The following NEGR1 variants were observed in gnomAD, a reference collection of about 807,000 sequenced individuals.
NEGR1 encodes the protein neuronal growth regulator 1, also known as IgLON family member 4.
A neutral mutation model predicts 40.9 loss-of-function variants in NEGR1; 10 were observed. That is an observed-to-expected ratio of 0.24 (90% CI 0.15 to 0.42). The LOEUF (loss-of-function observed/expected upper bound fraction) is 0.42. Among genes scored for constraint, NEGR1 ranks in the 10% least tolerant of loss-of-function variants. The pLI, the probability that NEGR1 is intolerant of heterozygous loss-of-function variation, is 1.00. For missense variants in NEGR1, 352 were observed against 438.9 expected (o/e 0.80, Z 1.77); for synonymous variants, 185 against 166.8 (o/e 1.11, Z -0.84).
At chr1:71,838,659 C>G (rs1451755057) in intron 2 of NEGR1, among the ~76,000 whole-genome samples, 1 of 152,094 alleles carries the variant, frequency 6.6e-6, no homozygotes, top group Non-Finnish European at 1.5e-5. Context: ...GTCTTGAACT[C>G]TACTCTGTTA....
rs140731968 is a variant in NEGR1, at chr1:71,778,122, T to G, written c.410-1825A>C. Among the ~76,000 whole-genome samples, 437 of 152,106 alleles carry G rather than the reference T, an allele frequency of 2.9e-3. 3 individuals are homozygous for G. Among genetic ancestry groups the G allele is most frequent in the African/African-American group, 9.8e-3 (405 of 41,534 alleles). On this transcript the variant is annotated intron_variant, in intron 2 of 6. Coordinates refer to ENST00000357731, the MANE Select transcript of NEGR1 (RefSeq NM_173808.3). ...TAAAAGTATATTTTAGATATTTAGT[T>G]GTAGGTATAGGTTTAATTCAATGAA... is the stretch of plus-strand genomic sequence containing the variant.
At chr1:71,794,224 TG>T (rs1657233653) in intron 2 of NEGR1, 1 of 152,146 alleles carries the variant, frequency 6.6e-6, no homozygotes, top group Non-Finnish European at 1.5e-5. Flanking sequence ...TCTATAAATG[TG>T]ATACAATTAC....
chr1:72,063,058 C>A (rs74837236), intron 1 of NEGR1, among the ~76,000 whole-genome samples: 3 of 151,648 alleles, frequency 2.0e-5, no homozygotes, highest in African/African-American at 7.3e-5. Flanking sequence ...TTAGAAGTCT[C>A]GAATAGATTA....
intron 1 of NEGR1, among the ~76,000 whole-genome samples, chr1:72,168,400 T>A (rs543897285): frequency 1.3e-5 from 2 of 152,018 alleles, no homozygotes; most frequent in African/African-American, 4.8e-5. Flanking sequence ...TTCTTCCTAT[T>A]CCTCTTTTGC....
intron 1 of NEGR1, among the ~76,000 whole-genome samples, chr1:72,076,718 GCA>G (rs1456197189): frequency 6.9e-6 from 1 of 144,842 alleles, no homozygotes; most frequent in African/African-American, 2.9e-5. Context: ...ACACATGCGT[GCA>G]CACGCGCACA....
intron 1 of NEGR1, among the ~76,000 whole-genome samples, chr1:72,280,454 T>C (rs1656205068): frequency 6.6e-6 from 1 of 152,184 alleles, no homozygotes. Context: ...TGATATGTGT[T>C]TGCAATCTCT....
intron 2 of NEGR1, among the ~76,000 whole-genome samples, chr1:71,829,750 C>G (rs3909665): frequency 0.59 from 90,174 of 151,782 alleles, 27,375 homozygotes; most frequent in Admixed American, 0.69. Context: ...CTTTAACAAG[C>G]TCTTTCAGAG....
At chr1:71,998,899 T>TAC (rs568730859) in intron 1 of NEGR1, among the ~76,000 whole-genome samples, 1 of 151,856 alleles carries the variant, frequency 6.6e-6, no homozygotes, top group South Asian at 2.1e-4. Flanking sequence ...CTGTATATAA[T>TAC]ACACACACAC....
chr1:72,101,615 A>C (rs1302687096), intron 1 of NEGR1, among the ~76,000 whole-genome samples: 1 of 152,104 alleles, frequency 6.6e-6, no homozygotes, highest in Non-Finnish European at 1.5e-5. Context: ...AACTCAGAAG[A>C]CTGTAGACTT....
At chr1:71,962,813 A>C (rs941510870) in intron 1 of NEGR1, among the ~76,000 whole-genome samples, 14 of 151,306 alleles carry the variant, frequency 9.3e-5, no homozygotes, top group African/African-American at 3.4e-4. Context: ...TCTTCATCTC[A>C]ACTGAAAAAA....
At chr1:71,765,312 C>G (rs1374277380) in intron 3 of NEGR1, among the ~76,000 whole-genome samples, 1 of 152,186 alleles carries the variant, frequency 6.6e-6, no homozygotes, top group Non-Finnish European at 1.5e-5. Context: ...CTGACTACCA[C>G]TACTTCAAAC....
intron 4 of NEGR1, among the ~76,000 whole-genome samples, chr1:71,690,485 A>G (rs914462151): frequency 6.6e-6 from 1 of 151,408 alleles, no homozygotes; most frequent in African/African-American, 2.4e-5. Flanking sequence ...GATGATTTTC[A>G]GGGTTTGGTC....
At chr1:71,616,525 A>C (rs1192140714) in intron 4 of NEGR1, among the ~76,000 whole-genome samples, 1 of 152,148 alleles carries the variant, frequency 6.6e-6, no homozygotes, top group East Asian at 1.9e-4. Context: ...TTGCAGACTC[A>C]TATCAAAACC....
At chr1:71,988,901 T>A (rs1646426128) in intron 1 of NEGR1, among the ~76,000 whole-genome samples, 1 of 117,610 alleles carries the variant, frequency 8.5e-6, no homozygotes, top group Non-Finnish European at 1.6e-5. Flanking sequence ...GTCAAGGCAA[T>A]GAGCTCTATC....
chr1:72,156,581 G>A (rs1318648330), intron 1 of NEGR1, among the ~76,000 whole-genome samples: 1 of 152,086 alleles, frequency 6.6e-6, no homozygotes, highest in African/African-American at 2.4e-5. Flanking sequence ...TAAATGCAAA[G>A]TTACATCTGT....
chr1:71,895,617 A>G (rs771159077), intron 2 of NEGR1, among the ~76,000 whole-genome samples: 5 of 151,994 alleles, frequency 3.3e-5, no homozygotes, highest in Non-Finnish European at 5.9e-5. Flanking sequence ...ATATTGTAAC[A>G]TATCAGTACA....
chr1:72,136,626 A>C (rs924277561), intron 1 of NEGR1, among the ~76,000 whole-genome samples: 4 of 133,028 alleles, frequency 3.0e-5, no homozygotes, highest in African/African-American at 1.1e-4. Flanking sequence ...CAATAAAAAA[A>C]AAAATTACTC....
intron 1 of NEGR1, among the ~76,000 whole-genome samples, chr1:71,988,871 C>A (rs912586361): frequency 7.3e-6 from 1 of 137,926 alleles, no homozygotes; most frequent in African/African-American, 2.8e-5. Context: ...CAAGGAAAAA[C>A]CACATATCCA....
chr1:71,955,681 C>T (rs1392196992), intron 1 of NEGR1, among the ~76,000 whole-genome samples: 1 of 152,012 alleles, frequency 6.6e-6, no homozygotes, highest in Non-Finnish European at 1.5e-5. Context: ...TTTCCTTTTC[C>T]CAAAAGAGTT....
Sources: allele counts gnomAD v4.1 joint callset (sites outside exome capture counted in the v4.1 genomes callset), GRCh38; gene constraint gnomAD v4.1.1; transcripts MANE v1.5; gene names NCBI Gene and HGNC (gene_info 2026-07-23, HGNC 2026-07-21).